Variants in TVP23B observed in about 807,000 individuals in gnomAD.
The protein encoded by TVP23B is trans-golgi network vesicle protein 23 homolog B.
A neutral mutation model predicts 30.6 loss-of-function variants in TVP23B; 10 were observed. The observed-to-expected ratio is 0.33, with a 90% CI of 0.20 to 0.55. The LOEUF (loss-of-function observed/expected upper bound fraction) is 0.55. Ranked by LOEUF, TVP23B falls within the 20% of genes least tolerant of loss-of-function variation. The pLI is 0.91. For missense variants in TVP23B, 153 were observed against 243.2 expected, an observed-to-expected ratio of 0.63 and a Z score of 2.47; for synonymous variants, 67 against 83.1, an observed-to-expected ratio of 0.81 and a Z score of 1.06.
intron 1 of TVP23B, among the ~76,000 whole-genome samples, chr17:18,784,577 G>A (rs2035871041): frequency 6.6e-6 from 1 of 152,162 alleles, no homozygotes; most frequent in Non-Finnish European, 1.5e-5. Context: ...CTTGAACCCG[G>A]GAGGTGGAGG....
At chr17:18,801,633 A>G (rs1363011702) in intron 5 of TVP23B, among the ~76,000 whole-genome samples, 1 of 151,430 alleles carries the variant, frequency 6.6e-6, no homozygotes, top group African/African-American at 2.4e-5. Context: ...TTGGCTGTGC[A>G]CTCTCTTCTG....
intron 1 of TVP23B, among the ~76,000 whole-genome samples, chr17:18,788,706 C>T (rs1440786715): frequency 1.3e-5 from 2 of 151,972 alleles, no homozygotes; most frequent in Non-Finnish European, 2.9e-5. Flanking sequence ...CGTTTGAACC[C>T]GGGAGGCGGA....
At position 18,797,753 on chromosome 17, in the gene TVP23B, G is replaced by A. The variant is rs542314521; in HGVS notation, c.330+85G>A. ...TAAATACTGGAAGATGAAGTATTCA[G>A]AATTAAAAACACTATACCAAATCAC... On this transcript the variant is annotated intron_variant, in intron 4 of 6. Transcript: ENST00000307767. 1.9e-5 allele frequency: 23 copies of A among 1,190,058 alleles called. No individual in the cohort carries two copies. In the African/African-American group the frequency reaches 2.0e-4, roughly 10 times the overall value. The allele number at this position is 1,190,058 out of a possible 1,614,324, so 73.7% of individuals were successfully genotyped here. A position where few individuals can be genotyped will look rare whatever the true frequency, so the allele number is the denominator to read the frequency against.
intron 5 of TVP23B, among the ~76,000 whole-genome samples, chr17:18,801,430 A>T (rs1241228241): frequency 1.3e-5 from 2 of 152,058 alleles, no homozygotes; most frequent in Non-Finnish European, 2.9e-5. Context: ...AGTGCGGGTG[A>T]ATCCCCCTTG....
intron 3 of TVP23B, among the ~76,000 whole-genome samples, chr17:18,794,271 A>C (rs753895673): frequency 6.6e-6 from 1 of 152,224 alleles, no homozygotes; most frequent in Admixed American, 6.5e-5. Flanking sequence ...CCTGTGGGGC[A>C]TTTACAAAAA....
At chr17:18,783,199 G>T (rs1191368618) in intron 1 of TVP23B, among the ~76,000 whole-genome samples, 1 of 150,588 alleles carries the variant, frequency 6.6e-6, no homozygotes, top group Non-Finnish European at 1.5e-5. Flanking sequence ...TCTGCCTCCC[G>T]GCTTCAAGCG....
intron 3 of TVP23B, chr17:18,795,781 G>A (rs1335345746): frequency 6.6e-6 from 1 of 152,200 alleles, no homozygotes; most frequent in Admixed American, 6.5e-5. Flanking sequence ...GTAAGATACT[G>A]TGTGAGGAGA....
chr17:18,788,065 A>C (rs1277775185), intron 1 of TVP23B, among the ~76,000 whole-genome samples: 2 of 134,366 alleles, frequency 1.5e-5, no homozygotes, highest in African/African-American at 5.7e-5. Flanking sequence ...GGGGCCGGGC[A>C]TGGTGGCTCA....
intron 1 of TVP23B, among the ~76,000 whole-genome samples, chr17:18,783,974 G>A (rs2035857378): frequency 1.3e-5 from 2 of 152,024 alleles, no homozygotes; most frequent in South Asian, 2.1e-4. Flanking sequence ...GTGAAACCCC[G>A]TCTGTACTAA....
intron 3 of TVP23B, among the ~76,000 whole-genome samples, chr17:18,793,622 C>T (rs1186346819): frequency 1.3e-5 from 2 of 149,900 alleles, no homozygotes; most frequent in East Asian, 1.9e-4. Context: ...ATAATGGCAA[C>T]TATTAGTAAA....
At chr17:18,796,516 C>G (rs1186293731) in intron 3 of TVP23B, 1 of 152,180 alleles carries the variant, frequency 6.6e-6, no homozygotes. Context: ...GCATGCCAGC[C>G]TGGGCAACAA....
At position 18,797,583 on chromosome 17, in the gene TVP23B, T is replaced by A; in HGVS notation, c.245T>A (p.Val82Asp). ...LSCDFWAVKN[V>D]TGRLMVGLRW... is the part of the protein sequence containing the mutation. ...GTTTATATTAATCTTCACCAGAATG[T>A]CACAGGTAGACTAATGGTTGGCCTA... The change falls in exon 4 of 7, where the codon GTC (valine) becomes GAC (aspartate). Residue 82 changes from valine to aspartate, a missense_variant. Coordinates refer to ENST00000307767, the MANE Select transcript of TVP23B (RefSeq NM_016078.6). The A allele has an allele frequency of 6.2e-7, 1 of 1,611,568 alleles. No individual in the cohort carries two copies. The highest frequency in any genetic ancestry group is 1.1e-5 in the South Asian group (1 of 90,534).
chr17:18,787,557 G>A (rs2035927399), intron 1 of TVP23B, among the ~76,000 whole-genome samples: 1 of 152,148 alleles, frequency 6.6e-6, no homozygotes, highest in Admixed American at 6.6e-5. Flanking sequence ...TTCAGAGACA[G>A]GTTTTCAGCT....
At position 18,790,987 on chromosome 17, in the gene TVP23B, A is replaced by T. The variant is rs775497308; in HGVS notation, c.187A>T (p.Thr63Ser). 2.7e-5 allele frequency: 43 copies of T among 1,611,842 alleles called. No homozygotes were observed. The highest frequency in any genetic ancestry group is 3.3e-5 in the Non-Finnish European group (39 of 1,179,448). The change falls in exon 3 of 7, where the codon ACC becomes TCC. Residue 63 changes from threonine to serine, a missense_variant. Thr to Ser is a moderately conservative substitution (Grantham distance 58). This residue lies in a region of TVP23B where 53 missense variants were observed against 128.0 expected (regional missense o/e 0.41). Transcript: ENST00000307767. ...TGGGTTGCTCAGCAGCAGCTTTATT[A>T]CCTGTATGGTGACAATTATCTTGTT... ...LCGLLSSSFI[T>S]CMVTIILLLS...
At chr17:18,785,002 A>T (rs2035877644) in intron 1 of TVP23B, among the ~76,000 whole-genome samples, 1 of 152,166 alleles carries the variant, frequency 6.6e-6, no homozygotes, top group African/African-American at 2.4e-5. Context: ...CTCCCTTAAA[A>T]TGTACTTGGA....
At chr17:18,785,552 G>GC (rs2151843031) in intron 1 of TVP23B, among the ~76,000 whole-genome samples, 1 of 152,140 alleles carries the variant, frequency 6.6e-6, no homozygotes, top group African/African-American at 2.4e-5. Context: ...ACCTGACGGG[G>GC]CCCAAGTTTG....
chr17:18,792,771 T>C (rs975041034), intron 3 of TVP23B, among the ~76,000 whole-genome samples: 1 of 152,130 alleles, frequency 6.6e-6, no homozygotes, highest in African/African-American at 2.4e-5. Context: ...TACTTATAGA[T>C]AGCAAAGCAA....
At chr17:18,804,734 G>A (rs539094586) in intron 6 of TVP23B, 9 of 319,654 alleles carry the variant, frequency 2.8e-5, no homozygotes, top group South Asian at 8.2e-5. Flanking sequence ...GATTACAGGC[G>A]CATGCCACCA....
intron 5 of TVP23B, among the ~76,000 whole-genome samples, chr17:18,801,960 G>A (rs1267155737): frequency 6.6e-6 from 1 of 152,194 alleles, no homozygotes; most frequent in Non-Finnish European, 1.5e-5. Context: ...GGTGGCTCAT[G>A]CCTGTAATCC....
Sources: gnomAD v4.1 joint callset for allele counts (sites outside exome capture counted in the v4.1 genomes callset) on GRCh38, gnomAD v4.1.1 for gene constraint, gnomAD v4.1.1 regional missense constraint, MANE v1.5 for transcripts, NCBI Gene and HGNC (gene_info 2026-07-23, HGNC 2026-07-21) for gene names.